The following CDH19 variants were observed in gnomAD, a reference collection of about 807,000 sequenced individuals.
CDH19 encodes cadherin-19.
A neutral mutation model predicts 64.2 loss-of-function variants in CDH19; 67 were observed. The observed-to-expected ratio is 1.04, with a 90% CI of 0.86 to 1.28. The LOEUF (loss-of-function observed/expected upper bound fraction) is 1.28. CDH19 is among the 50% of genes most tolerant of loss of function. The probability of loss-of-function intolerance (pLI) is 0.00; values close to 1 mark genes in which losing one functional copy is unlikely to be tolerated. For synonymous variants in CDH19, 346 were observed against 319.3 expected, an observed-to-expected ratio of 1.08 and a Z score of -0.89; for missense variants, 1,030 against 929.0, an observed-to-expected ratio of 1.11 and a Z score of -1.41.
At chr18:66,505,802 A>C (rs1301474541) in intron 11 of CDH19, among the ~76,000 whole-genome samples, 1 of 151,734 alleles carries the variant, frequency 6.6e-6, no homozygotes. Context: ...TTCTAAATTA[A>C]TATGTATTGA....
chr18:66,517,393 G>A (rs1985784121), intron 9 of CDH19, among the ~76,000 whole-genome samples: 1 of 151,938 alleles, frequency 6.6e-6, no homozygotes, highest in Non-Finnish European at 1.5e-5. Flanking sequence ...CAAAATAATG[G>A]CACTCAGTGA....
intron 5 of CDH19, among the ~76,000 whole-genome samples, chr18:66,548,242 C>A (rs1987206036): frequency 8.7e-6 from 1 of 115,420 alleles, no homozygotes; most frequent in African/African-American, 3.7e-5. Context: ...CCTCTGAACC[C>A]CTTTATATAT....
chr18:66,551,350 G>A, intron 4 of CDH19, 92 bp from the exon 5 acceptor site: 1 of 738,428 alleles, frequency 1.4e-6, no homozygotes, highest in East Asian at 2.7e-5. Context: ...ACATTATTTT[G>A]CTATATGTTG....
chr18:66,579,678 A>C (rs1190633221), intron 1 of CDH19, among the ~76,000 whole-genome samples: 1 of 152,100 alleles, frequency 6.6e-6, no homozygotes, highest in South Asian at 2.1e-4. Context: ...GAACTAGTGT[A>C]AAATGTGGGC....
chr18:66,563,640 T>C (rs1386897409), intron 3 of CDH19, among the ~76,000 whole-genome samples: 1 of 151,998 alleles, frequency 6.6e-6, no homozygotes, highest in Non-Finnish European at 1.5e-5. Flanking sequence ...TGGGAACTTA[T>C]TTTATTAGTA....
At chr18:66,595,990 G>A (rs1210360946) in intron 1 of CDH19, among the ~76,000 whole-genome samples, 1 of 152,056 alleles carries the variant, frequency 6.6e-6, no homozygotes, top group Non-Finnish European at 1.5e-5. Flanking sequence ...TGTTTCCTGG[G>A]ATGCAAGATT....
intron 1 of CDH19, among the ~76,000 whole-genome samples, chr18:66,600,851 G>A (rs2144649540): frequency 6.6e-6 from 1 of 151,870 alleles, no homozygotes; most frequent in East Asian, 1.9e-4. Flanking sequence ...ATAAAAGAGA[G>A]AAAATAATCA....
At chr18:66,567,330 G>A (rs933895783) in intron 3 of CDH19, among the ~76,000 whole-genome samples, 3 of 151,260 alleles carry the variant, frequency 2.0e-5, no homozygotes, top group African/African-American at 4.8e-5. Context: ...AGAGGGGAGG[G>A]CAGTAAGGGA....
At chr18:66,505,930 G>A (rs1204677169) in intron 11 of CDH19, among the ~76,000 whole-genome samples, 1 of 151,912 alleles carries the variant, frequency 6.6e-6, no homozygotes, top group Admixed American at 6.6e-5. Flanking sequence ...GAAGCACACA[G>A]ATGTTAAATG....
chr18:66,596,101 A>G (rs1050640400), intron 1 of CDH19: 4 of 152,180 alleles, frequency 2.6e-5, no homozygotes, highest in Non-Finnish European at 5.9e-5. Context: ...AGCTTCTGAT[A>G]ACATTTAATA....
chr18:66,536,909 A>G (rs1986696551), intron 7 of CDH19, among the ~76,000 whole-genome samples: 1 of 151,882 alleles, frequency 6.6e-6, no homozygotes, highest in Non-Finnish European at 1.5e-5. Flanking sequence ...ATATGTAAAC[A>G]GCTGACTTAT....
Position 66,522,647 on chromosome 18 carries a change from T to C in CDH19, c.1458+7198A>G, listed in dbSNP as rs921892050. The stretch of plus-strand genomic sequence containing the variant: ...TATCCTTTTTCTTTTAAATATAATA[T>C]GTTTTATTATATATATTTTTTCTTC... On this transcript the variant is annotated intron_variant, in intron 9 of 11. Transcript: ENST00000262150. Among the ~76,000 whole-genome samples, 12 of 151,574 alleles carry C rather than the reference T, an allele frequency of 7.9e-5. No individual in the cohort carries two copies. The East Asian group carries it at 1.2e-3, about 15-fold the overall frequency.
At chr18:66,561,630 T>C (rs1472835951) in intron 3 of CDH19, among the ~76,000 whole-genome samples, 2 of 152,122 alleles carry the variant, frequency 1.3e-5, no homozygotes, top group Non-Finnish European at 2.9e-5. Context: ...TCAGCATGCA[T>C]ACCTGAGTGG....
At chr18:66,562,525 T>C (rs1400657320) in intron 3 of CDH19, among the ~76,000 whole-genome samples, 1 of 151,986 alleles carries the variant, frequency 6.6e-6, no homozygotes, top group South Asian at 2.1e-4. Flanking sequence ...GCTGCTCACC[T>C]CCTGCTGTGC....
In CDH19 at chr18:66,511,636, T is replaced by A; in HGVS notation, c.1508A>T (p.His503Leu). The A allele has an allele frequency of 6.3e-7, 1 of 1,578,644 alleles. No homozygotes were observed. Among genetic ancestry groups the A allele is most frequent in the Non-Finnish European group, 8.7e-7 (1 of 1,149,018 alleles). ...TACAGATAGATTAAAGTAAAAATGG[T>A]GCTCTTCTATGGATTCATCTCTATC... ...AVDRDESIEEHHFYFNLSVED... is the reference protein window; with the variant it reads ...AVDRDESIEELHFYFNLSVED... The change falls in exon 10 of 12, where the codon CAC (histidine) becomes CTC (leucine). Residue 503 changes from histidine (H) to leucine (L), a missense_variant. Coordinates refer to ENST00000262150, the MANE Select transcript of CDH19 (RefSeq NM_021153.4).
chr18:66,571,093 T>C (rs918532487), intron 2 of CDH19, among the ~76,000 whole-genome samples: 6 of 151,642 alleles, frequency 4.0e-5, no homozygotes, highest in African/African-American at 1.2e-4. Context: ...TGTGTGTGTG[T>C]GTATGCGTGT....
rs888886151 is a variant in CDH19 at position 66,504,775 on chromosome 18, A to T, written c.*37T>A. ...TAAGACTACCATTGGGTTCGAATAC[A>T]CATTAGCACTTTTAAAAATTTTGAT... On this transcript the variant is annotated 3_prime_UTR_variant, in exon 12 of 12. Coordinates refer to ENST00000262150, the MANE Select transcript of CDH19 (RefSeq NM_021153.4). 2 of 1,552,792 alleles carry T rather than the reference A, an allele frequency of 1.3e-6. No individual in the cohort carries two copies. The highest frequency in any genetic ancestry group is 2.7e-5 in the African/African-American group (2 of 72,866).
chr18:66,573,858 C>A (rs972501806), intron 1 of CDH19, among the ~76,000 whole-genome samples: 15 of 148,630 alleles, frequency 1.0e-4, no homozygotes, highest in African/African-American at 3.7e-4. Context: ...AATATTAAAA[C>A]CAATTTCAAA....
intron 9 of CDH19, among the ~76,000 whole-genome samples, chr18:66,528,894 T>A (rs946679882): frequency 3.3e-5 from 5 of 152,058 alleles, no homozygotes; most frequent in African/African-American, 1.2e-4. Flanking sequence ...ATAGTATCTG[T>A]ATAACTGTTT....
Sources: gnomAD v4.1 joint callset for allele counts (sites outside exome capture counted in the v4.1 genomes callset) on GRCh38, gnomAD v4.1.1 for gene constraint, MANE v1.5 for transcripts, NCBI Gene and HGNC (gene_info 2026-07-23, HGNC 2026-07-21) for gene names.